The following POMC variants were observed in gnomAD, a reference collection of about 807,000 sequenced individuals.
POMC encodes proopiomelanocortin.
POMC carries 19 observed loss-of-function variants against 18.5 expected under a neutral mutation model. The ratio of observed to expected loss-of-function variants is 1.03; its 90% CI spans 0.72 to 1.51. The LOEUF is 1.51. Among genes scored for constraint, POMC ranks in the 40% most tolerant of loss-of-function variants. The pLI is 0.00. For synonymous variants in POMC, 179 were observed against 161.9 expected (o/e 1.11, Z -0.80); for missense variants, 451 against 379.0 (o/e 1.19, Z -1.58).
intron 1 of POMC, among the ~76,000 whole-genome samples, chr2:25,166,148 A>G (rs967931519): frequency 2.6e-5 from 4 of 152,182 alleles, no homozygotes; most frequent in African/African-American, 9.7e-5. Context: ...CCCTCGCCCT[A>G]TTCCCCAGGC....
chr2:25,161,248 C>T lies in POMC; in HGVS notation c.637G>A (p.Ala213Thr). The change falls in exon 3 of 3, where the codon GCC (alanine) becomes ACC (threonine). Residue 213 changes from alanine (A) to threonine (T), a missense_variant. Ala to Thr is a moderately conservative substitution (Grantham distance 58). Transcript: ENST00000395826. The surrounding 1 kb of genome is among the most constrained non-coding windows in gnomAD (Gnocchi z 5.7). ...TAGGGGCCCTCGTCCTTCTTCTCGGCCGCCACCAGCAGGCTGTGCTCCAGG... is the reference window on the plus strand; with the variant it reads ...TAGGGGCCCTCGTCCTTCTTCTCGGTCGCCACCAGCAGGCTGTGCTCCAGG... ...ADLEHSLLVA[A>T]EKKDEGPYRM... The T allele has an allele frequency of 6.2e-7, 1 of 1,612,450 alleles. No individual in the cohort carries two copies. The highest frequency in any genetic ancestry group is 8.5e-7 in the Non-Finnish European group (1 of 1,179,264).
At position 25,168,374 on chromosome 2, in the gene POMC, G is replaced by A. The variant is rs1464527301; in HGVS notation, c.-21+124C>T. The A allele has an allele frequency of 6.6e-6, 1 of 152,252 alleles. No homozygotes were observed. Among genetic ancestry groups the A allele is most frequent in the Non-Finnish European group, 1.5e-5 (1 of 68,072 alleles). The allele number at this position is 152,252 out of a possible 1,614,324, so 9.4% of individuals were successfully genotyped here. On this transcript the variant is annotated intron_variant, in intron 1 of 2. Coordinates refer to ENST00000395826, the MANE Select transcript of POMC (RefSeq NM_000939.4). The surrounding 1 kb of genome is among the most constrained non-coding windows in gnomAD (Gnocchi z 5.2). ...GGCGCAGAAAGTTTGTCGAGAACTC[G>A]GGACCGCGGAGAGCCAGAGGCGCCC... is the stretch of plus-strand genomic sequence containing the variant.
chr2:25,163,806 T>C (rs1040031612), intron 2 of POMC, among the ~76,000 whole-genome samples: 8 of 152,174 alleles, frequency 5.3e-5, no homozygotes, highest in Non-Finnish European at 8.8e-5. Flanking sequence ...TTATTTTTTG[T>C]AGAAGTGGAG....
intron 1 of POMC, among the ~76,000 whole-genome samples, chr2:25,167,293 C>T (rs1291623386): frequency 6.6e-6 from 1 of 152,152 alleles, no homozygotes; most frequent in Non-Finnish European, 1.5e-5. Flanking sequence ...AAAAAAAATC[C>T]ACACACACTT....
chr2:25,166,086 C>T (rs1671543846), intron 1 of POMC, among the ~76,000 whole-genome samples: 1 of 152,200 alleles, frequency 6.6e-6, no homozygotes, highest in Admixed American at 6.5e-5. Flanking sequence ...AGTGAAAGTC[C>T]TCTGAAGCGC....
In POMC at chr2:25,161,804, C is replaced by A. The variant is rs751711063; in HGVS notation, c.133-52G>T. 18 of 1,529,456 alleles carry A rather than the reference C, an allele frequency of 1.2e-5. No homozygotes were observed. The highest frequency in any genetic ancestry group is 1.5e-5 in the Non-Finnish European group (17 of 1,140,182). The allele number at this position is 1,529,456 out of a possible 1,614,324, so 94.7% of individuals were successfully genotyped here. ...GCAGCCCGTGCCCCGCACCCCGGCC[C>A]GGCTGCCGCGCCCGTCACTGCGCCT... On this transcript the variant is annotated intron_variant, in intron 2 of 2. Coordinates refer to ENST00000395826, the MANE Select transcript of POMC (RefSeq NM_000939.4). The surrounding 1 kb of genome is among the most constrained non-coding windows in gnomAD (Gnocchi z 5.7).
rs1276847403 is a variant in POMC at position 25,161,000 on chromosome 2, G to A, written c.*81C>T. On this transcript the variant is annotated 3_prime_UTR_variant, in exon 3 of 3. Coordinates refer to ENST00000395826, the MANE Select transcript of POMC (RefSeq NM_000939.4). ...TCTGCCACGACCCCCCAGGCTGGGA[G>A]GCGGCAGCAGGGCAGGGGAGAGCAA... The A allele has an allele frequency of 6.3e-7, 1 of 1,584,680 alleles. No individual in the cohort carries two copies. Among genetic ancestry groups the A allele is most frequent in the Non-Finnish European group, 8.6e-7 (1 of 1,166,378 alleles).
rs887338264 is a variant in POMC, at chr2:25,161,466, G to A, written c.419C>T (p.Ser140Phe). The change falls in exon 3 of 3, where the codon TCC (serine) becomes TTC (phenylalanine). Residue 140 changes from serine to phenylalanine, a missense_variant. Physicochemically the swap from Ser to Phe is radical, Grantham distance 155. Transcript: ENST00000395826. This position sits in a 1 kb window ranked among gnomAD's most constrained non-coding sequence, Gnocchi z 5.7. ...PGPREGKRSY[S>F]MEHFRWGKPV... is the part of the protein sequence containing the mutation. ...CTTGCCCCAGCGGAAGTGCTCCATG[G>A]AGTAGGAGCGCTTGCCCTCGCGCGG... is the stretch of plus-strand genomic sequence containing the variant. 5 of 1,608,902 alleles carry A rather than the reference G, an allele frequency of 3.1e-6. No individual in the cohort carries two copies. Among genetic ancestry groups the A allele is most frequent in the African/African-American group, 1.3e-5 (1 of 74,880 alleles).
At chr2:25,163,786 G>T (rs1343931556) in intron 2 of POMC, among the ~76,000 whole-genome samples, 2 of 152,132 alleles carry the variant, frequency 1.3e-5, no homozygotes, top group African/African-American at 4.8e-5. Flanking sequence ...ACCACATCTG[G>T]CTAACTTTTT....
intron 2 of POMC, among the ~76,000 whole-genome samples, chr2:25,163,731 G>C (rs1256451784): frequency 6.6e-6 from 1 of 152,110 alleles, no homozygotes; most frequent in South Asian, 2.1e-4. Flanking sequence ...CAGACTCCTG[G>C]CCTCAAGTGA....
chr2:25,162,303 A>C (rs1035350661), intron 2 of POMC, among the ~76,000 whole-genome samples: 10 of 152,104 alleles, frequency 6.6e-5, no homozygotes, highest in Admixed American at 3.3e-4. Context: ...TAAATAAATA[A>C]GCTGGGTGTG....
In POMC at chr2:25,161,368, G is replaced by A. The variant is rs1166273343; in HGVS notation, c.517C>T (p.Pro173Ser). The change falls in exon 3 of 3, where the codon CCC (proline) becomes TCC (serine). Residue 173 changes from proline (P) to serine (S), a missense_variant. Pro to Ser is a moderately conservative substitution (Grantham distance 74). Transcript: ENST00000395826. The surrounding 1 kb of genome is among the most constrained non-coding windows in gnomAD (Gnocchi z 5.7). ...GTCAGCTCCCTCTTGAACTCCAGGG[G>A]GAAGGCCTCGGCCGACTCGTCCTCG... ...GAEDESAEAF[P>S]LEFKRELTGQ... The A allele has an allele frequency of 1.2e-6, 2 of 1,605,828 alleles. No individual in the cohort carries two copies. Among genetic ancestry groups the A allele is most frequent in the South Asian group, 1.1e-5 (1 of 89,710 alleles).
rs1207543028 is a variant in POMC at position 25,168,466 on chromosome 2, A to C, written c.-21+32T>G. On this transcript the variant is annotated intron_variant, in intron 1 of 2. Coordinates refer to ENST00000395826, the MANE Select transcript of POMC (RefSeq NM_000939.4). This position sits in a 1 kb window ranked among gnomAD's most constrained non-coding sequence, Gnocchi z 5.2. ...GGACGGGGACAGGGGATCCCGGGGA[A>C]AGAGCACGGGTCCCCCACGCTGCGC... The C allele has an allele frequency of 2.0e-5, 3 of 152,142 alleles. No individual in the cohort carries two copies. Among genetic ancestry groups the C allele is most frequent in the Admixed American group, 6.5e-5 (1 of 15,276 alleles). 9.4% of individuals were successfully genotyped at this position (152,142 alleles called of 1,614,324 possible).
At chr2:25,165,162 A>G (rs1203947258) in intron 1 of POMC, among the ~76,000 whole-genome samples, 1 of 152,262 alleles carries the variant, frequency 6.6e-6, no homozygotes, top group Non-Finnish European at 1.5e-5. Context: ...GGTAAGGCTA[A>G]GCTCCTAACA....
rs955285602 is a variant in POMC at position 25,168,014 on chromosome 2, C to A, written c.-21+484G>T. 6.6e-6 allele frequency among the ~76,000 whole-genome samples: 1 copy of A among 152,100 alleles called. No homozygotes were observed. The highest frequency in any genetic ancestry group is 1.5e-5 in the Non-Finnish European group (1 of 68,018). ...ACTAAAAATACAAAAATTAGCCGGG[C>A]GTGGTGGCGCATGCCTGTAATCCCA... On this transcript the variant is annotated intron_variant, in intron 1 of 2. Coordinates refer to ENST00000395826, the MANE Select transcript of POMC (RefSeq NM_000939.4). This position sits in a 1 kb window ranked among gnomAD's most constrained non-coding sequence, Gnocchi z 5.2.
At chr2:25,165,718 G>C (rs1026926947) in intron 1 of POMC, 2 of 152,182 alleles carry the variant, frequency 1.3e-5, no homozygotes, top group African/African-American at 4.8e-5. Context: ...AGACACCAGG[G>C]GACAGTAAGG....
rs762710034 is a variant in POMC, at chr2:25,161,280, T to TGGGCCC, written c.599_604dup (p.Ala201_Gln202insArgAla). ...CAGCAGGCTGTGCTCCAGGTCGGCC[T>TGGGCCC]GGGCCCCTGCGCCGTCATCGGCAGG... On this transcript the variant is annotated inframe_insertion, in exon 3 of 3. Coordinates refer to ENST00000395826, the MANE Select transcript of POMC (RefSeq NM_000939.4). The surrounding 1 kb of genome is among the most constrained non-coding windows in gnomAD (Gnocchi z 5.7). 3.5e-4 allele frequency: 561 copies of TGGGCCC among 1,611,452 alleles called. 1 individual carries two copies. The highest frequency in any genetic ancestry group is 3.9e-4 in the Non-Finnish European group (455 of 1,179,052).
intron 1 of POMC, among the ~76,000 whole-genome samples, chr2:25,167,203 C>T (rs1003570825): frequency 7.2e-5 from 11 of 152,122 alleles, no homozygotes; most frequent in Non-Finnish European, 1.6e-4. Flanking sequence ...GCATCGAGTC[C>T]TATAACAAAA....
At chr2:25,163,719 G>A (rs1488997664) in intron 2 of POMC, among the ~76,000 whole-genome samples, 2 of 152,154 alleles carry the variant, frequency 1.3e-5, no homozygotes, top group African/African-American at 2.4e-5. Flanking sequence ...TTACTGTGTC[G>A]TCAGACTCCT....
Sources: gnomAD v4.1 joint callset for allele counts (sites outside exome capture counted in the v4.1 genomes callset) on GRCh38, gnomAD v4.1.1 for gene constraint, Gnocchi (gnomAD v3.1) non-coding constraint, MANE v1.5 for transcripts, NCBI Gene and HGNC (gene_info 2026-07-23, HGNC 2026-07-21) for gene names.